Variants in ZNF230 observed in about 807,000 individuals in gnomAD.
ZNF230 encodes the protein zinc finger protein FDZF2.
A neutral mutation model predicts 10.0 loss-of-function variants in ZNF230; 12 were observed. The ratio of observed to expected loss-of-function variants is 1.20; its 90% CI spans 0.77 to 1.95. ZNF230 has a LOEUF of 1.95. Ranked by LOEUF, ZNF230 falls within the 30% of genes most tolerant of loss-of-function variation. The pLI is 0.00. For missense variants in ZNF230, 532 were observed against 565.8 expected (o/e 0.94, Z 0.61); for synonymous variants, 174 against 193.6 (o/e 0.90, Z 0.84).
Position 44,011,516 on chromosome 19 carries a change from A to G in ZNF230, c.*52A>G, listed in dbSNP as rs372492634. ...TGAAATTTTAATATGTGTATATAAT[A>G]CGTAATGATCAAATTGATGTAATTA... On this transcript the variant is annotated 3_prime_UTR_variant, in exon 5 of 5. Transcript: ENST00000429154. 11 of 1,454,418 alleles carry G rather than the reference A, an allele frequency of 7.6e-6. No individual in the cohort carries two copies. Among genetic ancestry groups the G allele is most frequent in the South Asian group, 2.6e-5 (2 of 77,188 alleles). 90.1% of individuals were successfully genotyped at this position (1,454,418 alleles called of 1,614,324 possible).
Position 44,003,044 on chromosome 19 carries a change from G to A in ZNF230, c.-132G>A, listed in dbSNP as rs1373410926. On this transcript the variant is annotated 5_prime_UTR_variant, in exon 1 of 5. Transcript: ENST00000429154. ...TTCTGAACTTGTCACCTTCGCTTGG[G>A]GTCGCAACGACCCGATGATCGATGA... 5 of 152,194 alleles carry A rather than the reference G, an allele frequency of 3.3e-5. No individual in the cohort carries two copies. Among genetic ancestry groups the A allele is most frequent in the Non-Finnish European group, 7.4e-5 (5 of 68,026 alleles). The allele number at this position is 152,194 out of a possible 1,614,324, so 9.4% of individuals were successfully genotyped here. A position where few individuals can be genotyped will look rare whatever the true frequency, so the allele number is the denominator to read the frequency against.
At position 44,013,169 on chromosome 19, in the gene ZNF230, A is replaced by G. The variant is rs142635571; in HGVS notation, c.*1705A>G. On this transcript the variant is annotated 3_prime_UTR_variant, in exon 5 of 5. Transcript: ENST00000429154. ...CTTCTGTATTTCCATGCAGGCCTTG[A>G]TATAATGGCCTTCTAATTGTGGTAG... The G allele has an allele frequency of 3.3e-4, 51 of 152,348 alleles. No homozygotes were observed. In the East Asian group the frequency reaches 8.3e-3, roughly 25 times the overall value. 9.4% of individuals were successfully genotyped at this position (152,348 alleles called of 1,614,324 possible).
In ZNF230 at chr19:44,013,416, G is replaced by C. The variant is rs1011873453; in HGVS notation, c.*1952G>C. The C allele has an allele frequency of 6.6e-6, 1 of 152,164 alleles. No individual in the cohort carries two copies. The highest frequency in any genetic ancestry group is 2.4e-5 in the African/African-American group (1 of 41,438). The allele number at this position is 152,164 out of a possible 1,614,324, so 9.4% of individuals were successfully genotyped here. A position where few individuals can be genotyped will look rare whatever the true frequency, so the allele number is the denominator to read the frequency against. On this transcript the variant is annotated 3_prime_UTR_variant, in exon 5 of 5. Transcript: ENST00000429154. ...AGTCTTTTGTAAGCAGTGTATATCA[G>C]AATGTATAAGGTACAAGTGTTTTAC... is the stretch of plus-strand genomic sequence containing the variant.
At chr19:44,008,740 C>G (rs372420054) in intron 2 of ZNF230, 50 bp from the exon 3 acceptor site, 106 of 1,598,850 alleles carry the variant, frequency 6.6e-5, no homozygotes, top group Admixed American at 1.9e-4. Flanking sequence ...TGCTCCTCCC[C>G]CAGTAGTCCA....
intron 1 of ZNF230, among the ~76,000 whole-genome samples, chr19:44,004,953 TA>T (rs879509588): frequency 7.0e-4 from 99 of 142,416 alleles, no homozygotes; most frequent in East Asian, 1.2e-3. Flanking sequence ...CCATCTCTAC[TA>T]AAAAAAAAAA....
Position 44,010,514 on chromosome 19 carries a change from C to T in ZNF230, c.475C>T (p.Gln159Ter). 6.2e-7 allele frequency: 1 copy of T among 1,614,258 alleles called. No individual in the cohort carries two copies. The highest frequency in any genetic ancestry group is 1.3e-5 in the African/African-American group (1 of 75,074). The change falls in exon 5 of 5, where the codon CAG (glutamine) becomes TAG (stop). Residue 159 changes from glutamine to a stop codon, truncating the protein, a stop_gained. Coordinates refer to ENST00000429154, the MANE Select transcript of ZNF230 (RefSeq NM_006300.4). LOFTEE classifies it low-confidence loss of function (END_TRUNC). ...TGATGTTGCCATCTTTGATCCTCCT[C>T]AGCAGTTCCACTCAGGAGAGAAGTC... The part of the protein sequence containing the change: ...FSDVAIFDPP[Q>*]QFHSGEKSHT...
Position 44,009,065 on chromosome 19 carries a change from T to C in ZNF230, c.143-19T>C. 1 of 1,613,558 alleles carries C rather than the reference T, an allele frequency of 6.2e-7. No homozygotes were observed. The highest frequency in any genetic ancestry group is 1.1e-5 in the South Asian group (1 of 91,018). ...CTAGAATGAATTGGTATTAAGCACA[T>C]GACTTTGCATGTTCACAGGGCATCA... On this transcript the variant is annotated intron_variant, in intron 3 of 4. Coordinates refer to ENST00000429154, the MANE Select transcript of ZNF230 (RefSeq NM_006300.4).
At chr19:44,009,662 A>G (rs1298674650) in intron 4 of ZNF230, among the ~76,000 whole-genome samples, 1 of 152,014 alleles carries the variant, frequency 6.6e-6, no homozygotes, top group African/African-American at 2.4e-5. Flanking sequence ...CATGGGGAGG[A>G]CGGTCTCCCA....
Position 44,009,066 on chromosome 19 carries a change from G to A in ZNF230, c.143-18G>A. On this transcript the variant is annotated intron_variant, in intron 3 of 4. Coordinates refer to ENST00000429154, the MANE Select transcript of ZNF230 (RefSeq NM_006300.4). Reference sequence around the variant, plus strand: ...TAGAATGAATTGGTATTAAGCACATGACTTTGCATGTTCACAGGGCATCAA... The same window carrying A: ...TAGAATGAATTGGTATTAAGCACATAACTTTGCATGTTCACAGGGCATCAA... The A allele has an allele frequency of 6.2e-6, 10 of 1,613,552 alleles. 1 individual carries two copies. The East Asian group carries it at 2.2e-4, about 36-fold the overall frequency.
chr19:44,009,930 TC>T (rs1976158800), intron 4 of ZNF230, among the ~76,000 whole-genome samples: 1 of 152,262 alleles, frequency 6.6e-6, no homozygotes, highest in Non-Finnish European at 1.5e-5. Context: ...TCCTTAAATT[TC>T]CTTTTGATTT....
chr19:44,008,066 A>G (rs1976138896), intron 2 of ZNF230, among the ~76,000 whole-genome samples: 2 of 152,192 alleles, frequency 1.3e-5, no homozygotes, highest in African/African-American at 4.8e-5. Flanking sequence ...AGCTGCCTAG[A>G]GTGGGTGGAG....
Position 44,010,252 on chromosome 19 carries a change from A to G in ZNF230, c.230-17A>G, listed in dbSNP as rs755770397. On this transcript the variant is annotated splice_polypyrimidine_tract_variant and intron_variant, in intron 4 of 4. Transcript: ENST00000429154. ...AGGCTTCATTTGTCCACATCTCTTC[A>G]TTCTGTGTCCTTATAGGCGGCAAGA... 1.9e-6 allele frequency: 3 copies of G among 1,578,006 alleles called. No individual in the cohort carries two copies. The highest frequency in any genetic ancestry group is 3.6e-5 in the Admixed American group (2 of 55,694).
chr19:44,008,942 G>A, intron 3 of ZNF230, 26 bp downstream of exon 3: 1 of 1,612,346 alleles, frequency 6.2e-7, no homozygotes, highest in Non-Finnish European at 8.5e-7. Context: ...CTCTGTAATG[G>A]TACATCAGGC....
rs780338980 is a variant in ZNF230, at chr19:44,011,036, CA to C, written c.998del (p.Gln333ArgfsTer20). 6 of 1,614,164 alleles carry C rather than the reference CA, an allele frequency of 3.7e-6. No homozygotes were observed. In the African/African-American group the frequency reaches 8.0e-5, roughly 22 times the overall value. On this transcript the variant is annotated frameshift_variant, in exon 5 of 5. Coordinates refer to ENST00000429154, the MANE Select transcript of ZNF230 (RefSeq NM_006300.4). LOFTEE classifies it low-confidence loss of function (END_TRUNC). ...TAAGCATCAGATAATTCACACAGGA[CA>C]GAAACCGTACAATTGTAAAGAATGT... ...LHKHQIIHTG[Q>X]KPYNCKECGK... is the part of the protein sequence containing the mutation.
At chr19:44,003,301 C>G (rs1976087108) in intron 1 of ZNF230, 194 bp downstream of exon 1, 1 of 152,284 alleles carries the variant, frequency 6.6e-6, no homozygotes, top group African/African-American at 2.4e-5. Context: ...CGCAGTGTGA[C>G]GTGGAGTGTT....
chr19:44,011,819 G>T lies in ZNF230; in HGVS notation c.*355G>T. ...TTTTTTAGCTTCCATATGTGTGTGA[G>T]GACAGTTAGTATTTATCTTACCTTG... On this transcript the variant is annotated 3_prime_UTR_variant, in exon 5 of 5. Transcript: ENST00000429154. 1 of 219,752 alleles carries T rather than the reference G, an allele frequency of 4.6e-6. No homozygotes were observed. Among genetic ancestry groups the T allele is most frequent in the South Asian group, 6.3e-5 (1 of 15,780 alleles). 13.6% of individuals were successfully genotyped at this position (219,752 alleles called of 1,614,324 possible). A position where few individuals can be genotyped will look rare whatever the true frequency, so the allele number is the denominator to read the frequency against.
intron 1 of ZNF230, among the ~76,000 whole-genome samples, chr19:44,006,184 C>T (rs1639740941): frequency 6.6e-6 from 1 of 152,094 alleles, no homozygotes; most frequent in Non-Finnish European, 1.5e-5. Context: ...TTTATTGCAA[C>T]ATAACAGGGT....
In ZNF230 at chr19:44,011,576, T is replaced by C; in HGVS notation, c.*112T>C. 1 of 1,182,968 alleles carries C rather than the reference T, an allele frequency of 8.5e-7. No homozygotes were observed. The highest frequency in any genetic ancestry group is 1.2e-6 in the Non-Finnish European group (1 of 863,520). The allele number at this position is 1,182,968 out of a possible 1,614,324, so 73.3% of individuals were successfully genotyped here. On this transcript the variant is annotated 3_prime_UTR_variant, in exon 5 of 5. Transcript: ENST00000429154. ...CTTAAACAATTAACATTTCTTTGTTTTGGGAAAATTCAAAATCCATTGTTC... is the reference window on the plus strand; with the variant it reads ...CTTAAACAATTAACATTTCTTTGTTCTGGGAAAATTCAAAATCCATTGTTC...
Position 44,011,269 on chromosome 19 carries a change from T to G in ZNF230, c.1230T>G (p.His410Gln), listed in dbSNP as rs1976179838. 4 of 1,614,012 alleles carry G rather than the reference T, an allele frequency of 2.5e-6. No homozygotes were observed. Among genetic ancestry groups the G allele is most frequent in the Non-Finnish European group, 3.4e-6 (4 of 1,180,022 alleles). The change falls in exon 5 of 5, where the codon CAT becomes CAG. Residue 410 changes from histidine (H) to glutamine (Q), a missense_variant. His to Gln is a conservative substitution (Grantham distance 24, BLOSUM62 0). Transcript: ENST00000429154. ...GCCGGGCTTCAAGTATTTTGAATCA[T>G]AAGAAACTCCACTGCCGGAAAAAAC... ...SFSRASSILNHKKLHCRKKPF... is the reference protein window; with the variant it reads ...SFSRASSILNQKKLHCRKKPF...
Sources: gnomAD v4.1 joint callset for allele counts (sites outside exome capture counted in the v4.1 genomes callset) on GRCh38, gnomAD v4.1.1 for gene constraint, MANE v1.5 for transcripts, NCBI Gene and HGNC (gene_info 2026-07-23, HGNC 2026-07-21) for gene names.